Variants in NR3C2 observed in about 807,000 individuals in gnomAD.
The protein encoded by NR3C2 is mineralocorticoid receptor.
In NR3C2, 15 loss-of-function variants were observed where a neutral mutation model predicts 86.4. The observed-to-expected ratio is 0.17, with a 90% confidence interval of 0.12 to 0.27. The LOEUF (loss-of-function observed/expected upper bound fraction) is 0.27. NR3C2 is among the 10% of genes least tolerant of loss of function. NR3C2 has a pLI of 1.00. For missense variants in NR3C2, 960 were observed against 1,195.6 expected, an observed-to-expected ratio of 0.80 and a Z score of 2.91; for synonymous variants, 458 against 450.5, an observed-to-expected ratio of 1.02 and a Z score of -0.21.
intron 2 of NR3C2, among the ~76,000 whole-genome samples, chr4:148,350,935 T>G (rs1182724111): frequency 6.6e-6 from 1 of 152,190 alleles, no homozygotes; most frequent in Non-Finnish European, 1.5e-5. Flanking sequence ...TGCTAAAATA[T>G]GCTTTAGGTG....
intron 3 of NR3C2, among the ~76,000 whole-genome samples, chr4:148,237,718 A>G: frequency 6.6e-6 from 1 of 152,008 alleles, no homozygotes; most frequent in Admixed American, 6.6e-5. Context: ...TGAAAATTAA[A>G]TTACTGAATA....
intron 2 of NR3C2, among the ~76,000 whole-genome samples, chr4:148,363,504 C>CTT (rs1375693723): frequency 5.7e-5 from 4 of 69,904 alleles, no homozygotes; most frequent in Middle Eastern, 9.1e-3. Context: ...TCTCATAGAT[C>CTT]TCTTTTTTTT....
At chr4:148,089,887 T>C (rs1730983590) in intron 8 of NR3C2, among the ~76,000 whole-genome samples, 1 of 152,196 alleles carries the variant, frequency 6.6e-6, no homozygotes, top group South Asian at 2.1e-4. Flanking sequence ...CTGGAGTCCC[T>C]CCATGTGGGT....
intron 6 of NR3C2, among the ~76,000 whole-genome samples, chr4:148,137,848 A>G (rs1471041180): frequency 6.6e-6 from 1 of 152,224 alleles, no homozygotes; most frequent in African/African-American, 2.4e-5. Context: ...AGAATGCCAT[A>G]TTAAAGGAAT....
intron 2 of NR3C2, among the ~76,000 whole-genome samples, chr4:148,263,200 CCCGTGTT>C (rs1740216438): frequency 6.6e-6 from 1 of 152,194 alleles, no homozygotes. Context: ...CAACCTCTAC[CCCGTGTT>C]CCAATTTCAA....
intron 8 of NR3C2, among the ~76,000 whole-genome samples, chr4:148,108,450 C>T (rs1731903382): frequency 1.3e-5 from 2 of 152,130 alleles, no homozygotes; most frequent in African/African-American, 4.8e-5. Flanking sequence ...TGACATCTCC[C>T]CAGTGTGTAC....
chr4:148,421,451 G>A (rs964386690), intron 2 of NR3C2, among the ~76,000 whole-genome samples: 2 of 152,064 alleles, frequency 1.3e-5, no homozygotes, highest in African/African-American at 4.8e-5. Flanking sequence ...CAAGGCCCAG[G>A]GAAGGGCACT....
At chr4:148,292,305 T>C (rs1300687409) in intron 2 of NR3C2, among the ~76,000 whole-genome samples, 1 of 152,040 alleles carries the variant, frequency 6.6e-6, no homozygotes, top group Non-Finnish European at 1.5e-5. Flanking sequence ...CTGTAAGAAA[T>C]ATTCTGGTTC....
chr4:148,180,931 T>C (rs546773237), intron 4 of NR3C2, among the ~76,000 whole-genome samples: 2 of 152,264 alleles, frequency 1.3e-5, no homozygotes, highest in South Asian at 2.1e-4. Flanking sequence ...CCCTTCCCTC[T>C]TCCCCTAGTT....
At chr4:148,151,517 G>A (rs1196165744) in intron 6 of NR3C2, among the ~76,000 whole-genome samples, 1 of 152,148 alleles carries the variant, frequency 6.6e-6, no homozygotes, top group Non-Finnish European at 1.5e-5. Flanking sequence ...TCTAATTTAT[G>A]TTTGGAATAA....
intron 1 of NR3C2, among the ~76,000 whole-genome samples, chr4:148,440,700 C>A (rs992808493): frequency 6.6e-6 from 1 of 152,212 alleles, no homozygotes; most frequent in African/African-American, 2.4e-5. Flanking sequence ...TGCTCTCAAA[C>A]ACAAAAGAAA....
At chr4:148,297,649 T>G (rs909236575) in intron 2 of NR3C2, among the ~76,000 whole-genome samples, 5 of 152,160 alleles carry the variant, frequency 3.3e-5, no homozygotes, top group African/African-American at 1.2e-4. Flanking sequence ...TATGTTTTCT[T>G]CATTTTTCTG....
chr4:148,153,015 A>C (rs146053892), intron 5 of NR3C2, among the ~76,000 whole-genome samples: 63 of 152,284 alleles, frequency 4.1e-4, no homozygotes, highest in Middle Eastern at 3.4e-3. Context: ...ATCTGCAATA[A>C]TGGTGGGAGA....
upstream of NR3C2, chr4:148,443,861 C>T (rs537871537): frequency 2.7e-6 from 1 of 364,888 alleles, no homozygotes; most frequent in Non-Finnish European, 3.8e-6. Context: ...GATTCCGGAC[C>T]CCTAACCCAG....
intron 3 of NR3C2, among the ~76,000 whole-genome samples, chr4:148,257,709 C>G (rs1445145182): frequency 1.3e-5 from 2 of 151,970 alleles, no homozygotes; most frequent in African/African-American, 4.8e-5. Context: ...TATTTAATCT[C>G]TCTCATACAC....
At chr4:148,402,570 T>C (rs1291679867) in intron 2 of NR3C2, among the ~76,000 whole-genome samples, 2 of 152,224 alleles carry the variant, frequency 1.3e-5, no homozygotes, top group African/African-American at 2.4e-5. Context: ...TATGAATTGC[T>C]AAATTCACAG....
intron 2 of NR3C2, among the ~76,000 whole-genome samples, chr4:148,344,037 A>G (rs968817690): frequency 2.0e-5 from 3 of 152,186 alleles, no homozygotes; most frequent in Non-Finnish European, 4.4e-5. Flanking sequence ...CGCATAAGCT[A>G]TATCTAGAGG....
At chr4:148,233,556 C>T (rs926156491) in intron 3 of NR3C2, among the ~76,000 whole-genome samples, 1 of 151,940 alleles carries the variant, frequency 6.6e-6, no homozygotes, top group African/African-American at 2.4e-5. Context: ...GATGAGGTTT[C>T]ACCATGTTGT....
intron 2 of NR3C2, among the ~76,000 whole-genome samples, chr4:148,358,499 A>C (rs1412644992): frequency 1.3e-5 from 2 of 150,812 alleles, no homozygotes; most frequent in Non-Finnish European, 3.0e-5. Flanking sequence ...GAGGGGTAGC[A>C]TTGGGAGATA....
Sources: allele counts gnomAD v4.1 joint callset (sites outside exome capture counted in the v4.1 genomes callset), GRCh38; gene constraint gnomAD v4.1.1; transcripts MANE v1.5; gene names NCBI Gene and HGNC (gene_info 2026-07-23, HGNC 2026-07-21).